The following ADGRG7 variants were observed in gnomAD, a reference collection of about 807,000 sequenced individuals.
ADGRG7 encodes the protein G-protein coupled receptor 128.
Under a neutral mutation model 88.6 loss-of-function variants are expected in ADGRG7, and 82 were observed. The observed-to-expected ratio is 0.93, with a 90% CI of 0.77 to 1.11. ADGRG7 has a LOEUF of 1.11. ADGRG7 is among the 50% of genes most tolerant of loss of function. The pLI is 0.00. For missense variants in ADGRG7, 945 were observed against 953.4 expected (o/e 0.99, Z 0.12); for synonymous variants, 381 against 345.2 (o/e 1.10, Z -1.15).
At chr3:100,612,070 T>C (rs972760851) in intron 1 of ADGRG7, among the ~76,000 whole-genome samples, 1 of 152,164 alleles carries the variant, frequency 6.6e-6, no homozygotes, top group Admixed American at 6.6e-5. Flanking sequence ...CACAAAATTT[T>C]GCATAAATTA....
chr3:100,663,930 C>T (rs1285659819), intron 14 of ADGRG7, among the ~76,000 whole-genome samples: 1 of 151,902 alleles, frequency 6.6e-6, no homozygotes, highest in African/African-American at 2.4e-5. Context: ...ATCTTCTGAC[C>T]ATTAGGATAT....
intron 1 of ADGRG7, among the ~76,000 whole-genome samples, chr3:100,610,398 T>C (rs978837420): frequency 2.0e-5 from 3 of 152,216 alleles, no homozygotes; most frequent in African/African-American, 7.2e-5. Flanking sequence ...GAATGGAATT[T>C]CATTTTAAGA....
At chr3:100,677,707 T>C (rs1200488976) in intron 15 of ADGRG7, among the ~76,000 whole-genome samples, 3 of 152,180 alleles carry the variant, frequency 2.0e-5, no homozygotes, top group Non-Finnish European at 4.4e-5. Context: ...TATTTTAGGC[T>C]AGAAGTTTTT....
At chr3:100,686,530 T>C (rs1430239529) in intron 15 of ADGRG7, among the ~76,000 whole-genome samples, 1 of 152,222 alleles carries the variant, frequency 6.6e-6, no homozygotes, top group East Asian at 1.9e-4. Context: ...AAGTATTTAA[T>C]CCATCTTGAA....
chr3:100,685,105 G>T (rs921115375), intron 15 of ADGRG7, among the ~76,000 whole-genome samples: 2 of 151,606 alleles, frequency 1.3e-5, no homozygotes, highest in African/African-American at 4.8e-5. Context: ...CTGTTATTTT[G>T]ACTTCCTTAC....
rs1030811330 is a variant in ADGRG7, at chr3:100,665,357, G to A, written c.1980-3592G>A. The A allele has an allele frequency of 6.1e-5, 33 of 540,568 alleles. No individual in the cohort carries two copies. In the Middle Eastern group the frequency reaches 1.3e-3, roughly 21 times the overall value. 33.5% of individuals were successfully genotyped at this position (540,568 alleles called of 1,614,324 possible). A position where few individuals can be genotyped will look rare whatever the true frequency, so the allele number is the denominator to read the frequency against. ...CAAGCTCCTCATCCAGTACCACCAG[G>A]CGTTTATCCTTCAATCTTCATTACA... On this transcript the variant is annotated intron_variant, in intron 14 of 15. Transcript: ENST00000273352.
At chr3:100,647,571 C>A (rs971341088) in intron 10 of ADGRG7, among the ~76,000 whole-genome samples, 7 of 152,204 alleles carry the variant, frequency 4.6e-5, no homozygotes, top group Admixed American at 1.3e-4. Flanking sequence ...TAAAGCTATA[C>A]TGTGCAAGTA....
At chr3:100,693,512 A>AT (rs1210264315) in intron 15 of ADGRG7, among the ~76,000 whole-genome samples, 1 of 152,106 alleles carries the variant, frequency 6.6e-6, no homozygotes, top group African/African-American at 2.4e-5. Context: ...ACACTTATTG[A>AT]TTTTTTAGTC....
intron 6 of ADGRG7, among the ~76,000 whole-genome samples, chr3:100,638,648 C>T (rs1253592912): frequency 6.6e-6 from 1 of 152,026 alleles, no homozygotes; most frequent in African/African-American, 2.4e-5. Context: ...TGAAGGTTTC[C>T]CCCTGGGATC....
intron 1 of ADGRG7, among the ~76,000 whole-genome samples, chr3:100,623,458 T>C (rs1465459657): frequency 4.6e-5 from 7 of 152,226 alleles, no homozygotes; most frequent in Non-Finnish European, 8.8e-5. Flanking sequence ...CCATCCTGTC[T>C]TGATTGCTAT....
chr3:100,682,580 C>A (rs1044289118), intron 15 of ADGRG7, among the ~76,000 whole-genome samples: 1 of 152,222 alleles, frequency 6.6e-6, no homozygotes, highest in Admixed American at 6.5e-5. Context: ...ACGATCTGCT[C>A]CCGGAAGTGA....
intron 10 of ADGRG7, among the ~76,000 whole-genome samples, chr3:100,648,636 G>A (rs920211573): frequency 1.3e-5 from 2 of 152,106 alleles, no homozygotes; most frequent in Admixed American, 6.5e-5. Flanking sequence ...GACATAGATA[G>A]TATTTTTAAG....
chr3:100,625,015 A>G (rs1707363442), intron 1 of ADGRG7, among the ~76,000 whole-genome samples: 1 of 152,076 alleles, frequency 6.6e-6, no homozygotes, highest in Non-Finnish European at 1.5e-5. Flanking sequence ...TCTTGGCTAT[A>G]CAGACTCTTT....
rs1232953511 is a variant in ADGRG7, at chr3:100,669,063, G to A, written c.2094G>A (p.Arg698=). The A allele has an allele frequency of 6.2e-7, 1 of 1,600,146 alleles. No homozygotes were observed. Among genetic ancestry groups the A allele is most frequent in the Non-Finnish European group, 8.5e-7 (1 of 1,174,354 alleles). ...TGCTAGTTAATGATGATAGCATCAGGATCGTCTTCAGCTACATATTCTGCC... is the reference window on the plus strand; with the variant it reads ...TGCTAGTTAATGATGATAGCATCAGAATCGTCTTCAGCTACATATTCTGCC... ...YLMLVNDDSI[R]IVFSYIFCLF... The change falls in exon 15 of 16, where the codon AGG becomes AGA. Residue 698 remains arginine (R), a synonymous_variant. Coordinates refer to ENST00000273352, the MANE Select transcript of ADGRG7 (RefSeq NM_032787.3).
intron 15 of ADGRG7, among the ~76,000 whole-genome samples, chr3:100,691,028 G>A (rs552254424): frequency 7.9e-5 from 12 of 152,320 alleles, no homozygotes; most frequent in South Asian, 4.1e-4. Context: ...CGAGCTTCCC[G>A]GTGCCTTTGT....
At chr3:100,647,435 C>T (rs1228078617) in intron 10 of ADGRG7, among the ~76,000 whole-genome samples, 3 of 152,090 alleles carry the variant, frequency 2.0e-5, no homozygotes, top group African/African-American at 7.2e-5. Context: ...AATCAGTTAC[C>T]CAAAGCTTTT....
chr3:100,656,197 A>T (rs1014473102), intron 13 of ADGRG7, among the ~76,000 whole-genome samples: 1 of 152,230 alleles, frequency 6.6e-6, no homozygotes, highest in African/African-American at 2.4e-5. Context: ...TTGTAAAGCA[A>T]GTAATCACCT....
rs1707703527 is a variant in ADGRG7, at chr3:100,644,380, G to A, written c.946+747G>A. On this transcript the variant is annotated intron_variant, in intron 8 of 15. Coordinates refer to ENST00000273352, the MANE Select transcript of ADGRG7 (RefSeq NM_032787.3). ...TTGCTTTGGCCACATGCTTTGTGAT[G>A]GTAGAGACTAGATCTAAGTCTTCTA... is the stretch of plus-strand genomic sequence containing the variant. Among the ~76,000 whole-genome samples the A allele has an allele frequency of 2.6e-5, 4 of 151,976 alleles. No homozygotes were observed. In the South Asian group the frequency reaches 8.3e-4, roughly 32 times the overall value.
intron 1 of ADGRG7, among the ~76,000 whole-genome samples, chr3:100,625,001 A>T (rs983272991): frequency 4.6e-5 from 7 of 152,042 alleles, no homozygotes; most frequent in African/African-American, 1.7e-4. Context: ...TTTGCTTAGG[A>T]TTGTCTTGGC....
Sources: allele counts gnomAD v4.1 joint callset (sites outside exome capture counted in the v4.1 genomes callset), GRCh38; gene constraint gnomAD v4.1.1; transcripts MANE v1.5; gene names NCBI Gene and HGNC (gene_info 2026-07-23, HGNC 2026-07-21).